The following UGGT1 variants were observed in gnomAD, a reference collection of about 807,000 sequenced individuals.
UGGT1 encodes UDP-glucose glycoprotein glucosyltransferase 1.
A neutral mutation model predicts 203.9 loss-of-function variants in UGGT1; 107 were observed. The ratio of observed to expected loss-of-function variants is 0.52; its 90% CI spans 0.45 to 0.62. The LOEUF is 0.62. Ranked by LOEUF, UGGT1 falls within the 20% of genes least tolerant of loss-of-function variation. The pLI, the probability that UGGT1 is intolerant of heterozygous loss-of-function variation, is 0.00. For synonymous variants in UGGT1, 628 were observed against 653.5 expected, an observed-to-expected ratio of 0.96 and a Z score of 0.59; for missense variants, 1,673 against 1,867.2, an observed-to-expected ratio of 0.90 and a Z score of 1.92.
At chr2:128,127,547 T>G (rs904686234) in intron 12 of UGGT1, 95 bp downstream of exon 12, 6 of 947,192 alleles carry the variant, frequency 6.3e-6, no homozygotes, top group African/African-American at 3.3e-5. Flanking sequence ...TATGGCATGA[T>G]GCAAAGTCTG....
intron 3 of UGGT1, among the ~76,000 whole-genome samples, chr2:128,106,142 A>G (rs1436219075): frequency 6.9e-6 from 1 of 145,954 alleles, no homozygotes; most frequent in Non-Finnish European, 1.5e-5. Context: ...AGATATAGAT[A>G]TGTAAATATT....
At chr2:128,093,398 G>A (rs1284105802) in intron 1 of UGGT1, among the ~76,000 whole-genome samples, 1 of 152,158 alleles carries the variant, frequency 6.6e-6, no homozygotes, top group Non-Finnish European at 1.5e-5. Context: ...CTATGTTTCA[G>A]GCATAATGCT....
intron 10 of UGGT1, among the ~76,000 whole-genome samples, chr2:128,121,549 A>G (rs762295445): frequency 7.9e-5 from 12 of 151,870 alleles, no homozygotes; most frequent in Non-Finnish European, 1.5e-4. Context: ...GGTACTACAG[A>G]CGTGCGTCAC....
At chr2:128,133,421 G>A (rs1453665890) in intron 14 of UGGT1, among the ~76,000 whole-genome samples, 161 bp downstream of exon 14, 1 of 152,112 alleles carries the variant, frequency 6.6e-6, no homozygotes, top group East Asian at 1.9e-4. Flanking sequence ...GCTTTGTAGT[G>A]TACTGACCAC....
Position 128,159,700 on chromosome 2 carries a change from A to G in UGGT1, c.2542A>G (p.Ile848Val), listed in dbSNP as rs779492594. The G allele has an allele frequency of 1.2e-6, 2 of 1,614,102 alleles. No individual in the cohort carries two copies. Among genetic ancestry groups the G allele is most frequent in the South Asian group, 1.1e-5 (1 of 91,070 alleles). The part of the protein sequence containing the change: ...AAEALAAGAD[I>V]AEFSVGGMDF... ...AGAGGCCCTGGCTGCAGGAGCTGACATTGCGGAGTTCTCTGTTGGGGTAAG... is the reference window on the plus strand; with the variant it reads ...AGAGGCCCTGGCTGCAGGAGCTGACGTTGCGGAGTTCTCTGTTGGGGTAAG... Residue 848 changes from isoleucine to valine, a missense_variant, in exon 23 of 41, where the codon ATT becomes GTT. Transcript: ENST00000259253.
chr2:128,149,696 C>A (rs183196514), intron 18 of UGGT1, among the ~76,000 whole-genome samples: 1 of 150,536 alleles, frequency 6.6e-6, no homozygotes, highest in Non-Finnish European at 1.5e-5. Context: ...TCGCTTGAAC[C>A]TGGGAGGCAG....
At chr2:128,149,329 A>G (rs1689833840) in intron 18 of UGGT1, among the ~76,000 whole-genome samples, 1 of 149,672 alleles carries the variant, frequency 6.7e-6, no homozygotes, top group African/African-American at 2.4e-5. Flanking sequence ...GGCATGAGCC[A>G]TCGTGCCTGG....
rs189498663 is a variant in UGGT1, at chr2:128,180,301, T to A, written c.3900+431T>A. On this transcript the variant is annotated intron_variant, in intron 35 of 40. Coordinates refer to ENST00000259253, the MANE Select transcript of UGGT1 (RefSeq NM_020120.4). ...TACTTGGAATGTTTTCTGCATTACT[T>A]ATATCAGTCAGTATTTGTCATCTAA... 1.1e-4 allele frequency among the ~76,000 whole-genome samples: 17 copies of A among 152,392 alleles called. No individual in the cohort carries two copies. The East Asian group carries it at 3.3e-3, about 29-fold the overall frequency.
At chr2:128,103,899 T>A in intron 2 of UGGT1, 33 bp from the exon 3 acceptor site, 1 of 1,507,804 alleles carries the variant, frequency 6.6e-7, no homozygotes, top group Non-Finnish European at 9.0e-7. Context: ...GAAAATTTTA[T>A]TAAGTTGTTT....
At chr2:128,138,031 AT>A (rs1250390708) in intron 15 of UGGT1, among the ~76,000 whole-genome samples, 2 of 152,220 alleles carry the variant, frequency 1.3e-5, no homozygotes, top group African/African-American at 4.8e-5. Flanking sequence ...AAATGTCACA[AT>A]CCCCCCCTTT....
chr2:128,151,874 C>G (rs779211470), intron 18 of UGGT1, among the ~76,000 whole-genome samples: 36 of 151,536 alleles, frequency 2.4e-4, no homozygotes, highest in Non-Finnish European at 4.0e-4. Flanking sequence ...AAGACCTTGT[C>G]TCAAAGGAAA....
At chr2:128,139,150 G>A (rs191789219) in intron 16 of UGGT1, among the ~76,000 whole-genome samples, 2 of 152,310 alleles carry the variant, frequency 1.3e-5, no homozygotes, top group East Asian at 1.9e-4. Flanking sequence ...AGAATAGTAA[G>A]TATTTTATAC....
intron 2 of UGGT1, among the ~76,000 whole-genome samples, chr2:128,099,629 C>G (rs952231196): frequency 6.6e-6 from 1 of 152,196 alleles, no homozygotes. Context: ...AGGAGCCTAG[C>G]AGACTTTCTG....
chr2:128,120,070 C>A (rs1688304521), intron 8 of UGGT1, among the ~76,000 whole-genome samples: 1 of 152,056 alleles, frequency 6.6e-6, no homozygotes, highest in Non-Finnish European at 1.5e-5. Flanking sequence ...AGCCACCACA[C>A]CTGGCCTGAA....
intron 26 of UGGT1, 85 bp from the exon 27 acceptor site, chr2:128,170,203 A>G (rs950829899): frequency 1.9e-6 from 2 of 1,058,014 alleles, no homozygotes; most frequent in Non-Finnish European, 2.9e-6. Context: ...TTGAAATGCT[A>G]AGAAGGTTGA....
In UGGT1 at chr2:128,115,184, A is replaced by T. The variant is rs559606455; in HGVS notation, c.757A>T (p.Thr253Ser). The T allele has an allele frequency of 6.2e-7, 1 of 1,614,082 alleles. No individual in the cohort carries two copies. The highest frequency in any genetic ancestry group is 8.5e-7 in the Non-Finnish European group (1 of 1,179,970). The change falls in exon 7 of 41, where the codon ACT (threonine) becomes TCT (serine). Residue 253 changes from threonine (T) to serine (S), a missense_variant. By Grantham distance (58) the Thr-to-Ser change is moderately conservative (BLOSUM62 1). This residue lies in a region of UGGT1 where 1,073 missense variants were observed against 1,078.7 expected (regional missense o/e 0.99). Transcript: ENST00000259253. ...TGGCGTGGAATTGGCCATTAAGAGC[A>T]CTGAGTACAAGGCCAAGGATGATAC... ...GYGVELAIKS[T>S]EYKAKDDTQV... is the part of the protein sequence containing the mutation.
chr2:128,128,905 T>C (rs1688743223), intron 12 of UGGT1, 124 bp from the exon 13 acceptor site: 6 of 978,184 alleles, frequency 6.1e-6, no homozygotes, highest in Middle Eastern at 2.9e-4. Context: ...TTTATTGCTT[T>C]TTTAAATTTC....
In UGGT1 at chr2:128,121,222, C is replaced by T. The variant is rs1429648486; in HGVS notation, c.997C>T (p.Arg333Ter). 4 of 1,613,816 alleles carry T rather than the reference C, an allele frequency of 2.5e-6. No individual in the cohort carries two copies. The highest frequency in any genetic ancestry group is 2.2e-5 in the East Asian group (1 of 44,856). ...LQDLSFQTAARILASPVELAL... is the reference protein window; with the variant it reads ...LQDLSFQTAA The stretch of plus-strand genomic sequence containing the variant: ...AGATCTCAGTTTCCAGACTGCTGCT[C>T]GAATCTTGGCTTCTCCTGTTGAGTT... The change falls in exon 10 of 41, where the codon CGA becomes TGA. Residue 333 changes from arginine to a stop codon, truncating the protein, a stop_gained. Transcript: ENST00000259253. LOFTEE classifies it high-confidence loss of function.
chr2:128,182,059 C>G (rs1691715984), intron 36 of UGGT1, 71 bp from the exon 37 acceptor site: 1 of 1,509,314 alleles, frequency 6.6e-7, no homozygotes, highest in Non-Finnish European at 9.0e-7. Flanking sequence ...GCGAGCCACT[C>G]TGTATCTGAA....
Sources: gnomAD v4.1 joint callset for allele counts (sites outside exome capture counted in the v4.1 genomes callset) on GRCh38, gnomAD v4.1.1 for gene constraint, gnomAD v4.1.1 regional missense constraint, MANE v1.5 for transcripts, NCBI Gene and HGNC (gene_info 2026-07-23, HGNC 2026-07-21) for gene names.